Variants in EIF5A observed in about 807,000 individuals in gnomAD.
The protein encoded by EIF5A is eukaryotic translation initiation factor 5A.
A neutral mutation model predicts 16.6 loss-of-function variants in EIF5A; 1 was observed. That is an observed-to-expected ratio of 0.06 (90% confidence interval 0.02 to 0.28). EIF5A has a LOEUF of 0.28. Among genes scored for constraint, EIF5A ranks in the 10% least tolerant of loss-of-function variants. The probability of loss-of-function intolerance (pLI) is 1.00; values close to 1 mark genes in which losing one functional copy is unlikely to be tolerated. For missense variants in EIF5A, 29 were observed against 196.1 expected, an observed-to-expected ratio of 0.15 and a Z score of 5.09; for synonymous variants, 80 against 73.6, an observed-to-expected ratio of 1.09 and a Z score of -0.44.
intron 2 of EIF5A, chr17:7,310,558 T>G (rs1269912707): frequency 6.4e-6 from 7 of 1,086,520 alleles, no homozygotes; most frequent in Non-Finnish European, 7.9e-6. Flanking sequence ...TTCCTTATTT[T>G]CTAGCTACAT....
chr17:7,308,064 G>C (rs2072680682), intron 1 of EIF5A: 7 of 988,226 alleles, frequency 7.1e-6, no homozygotes, highest in East Asian at 2.3e-4. Context: ...GGCCCACCGG[G>C]GCAAGGGTAC....
At chr17:7,311,186 AG>A in intron 3 of EIF5A, 64 bp downstream of exon 3, 2 of 1,592,118 alleles carry the variant, frequency 1.3e-6, no homozygotes, top group South Asian at 2.2e-5. Context: ...GTTGGGGGAT[AG>A]GGACTGACCA....
Position 7,311,433 on chromosome 17 carries a change from C to G in EIF5A, c.354C>G (p.Asp118Glu). The change falls in exon 4 of 6, where the codon GAC (aspartate) becomes GAG (glutamate). Residue 118 changes from aspartate to glutamate, a missense_variant. By Grantham distance (45) the Asp-to-Glu change is conservative. Coordinates refer to ENST00000336458, the MANE Select transcript of EIF5A (RefSeq NM_001970.5). ...AGGACCTTCGTCTCCCTGAGGGAGA[C>G]CTTGGCAAGGAGATTGAGCAGAAGT... is the stretch of plus-strand genomic sequence containing the variant. ...VREDLRLPEG[D>E]LGKEIEQKYD... 1 of 1,614,086 alleles carries G rather than the reference C, an allele frequency of 6.2e-7. No individual in the cohort carries two copies. Among genetic ancestry groups the G allele is most frequent in the Non-Finnish European group, 8.5e-7 (1 of 1,180,020 alleles).
chr17:7,311,202 A>G, intron 3 of EIF5A, 80 bp downstream of exon 3: 2 of 1,582,452 alleles, frequency 1.3e-6, no homozygotes, highest in African/African-American at 1.3e-5. Context: ...TGACCAGGAG[A>G]GCTTGTGCTG....
intron 2 of EIF5A, 114 bp downstream of exon 2, chr17:7,309,914 ATTGT>A (rs767355832): frequency 7.5e-6 from 12 of 1,604,586 alleles, no homozygotes; most frequent in Middle Eastern, 1.6e-4. Context: ...TTACTGTCTG[ATTGT>A]TTTTGTTTAG....
upstream of EIF5A, chr17:7,307,291 GT>G: frequency 3.4e-6 from 4 of 1,188,814 alleles, no homozygotes; most frequent in Non-Finnish European, 4.5e-6. Context: ...AGACCCAGGC[GT>G]TTCCTTTAGA....
chr17:7,310,626 T>A, intron 2 of EIF5A: 1 of 985,426 alleles, frequency 1.0e-6, no homozygotes. Context: ...TTTCTTAGTT[T>A]CTTATCCTTT....
intron 2 of EIF5A, chr17:7,310,780 C>T (rs2072799453): frequency 4.1e-6 from 4 of 985,298 alleles, no homozygotes; most frequent in Non-Finnish European, 4.8e-6. Flanking sequence ...TTCTCCAAGC[C>T]TGCCATGCAG....
At position 7,309,982 on chromosome 17, in the gene EIF5A, C is replaced by T. The variant is rs773675901; in HGVS notation, c.165+182C>T. 74 of 1,534,476 alleles carry T rather than the reference C, an allele frequency of 4.8e-5. No homozygotes were observed. The Admixed American group carries it at 1.3e-3, about 28-fold the overall frequency. On this transcript the variant is annotated intron_variant, in intron 2 of 5. Coordinates refer to ENST00000336458, the MANE Select transcript of EIF5A (RefSeq NM_001970.5). Reference sequence around the variant, plus strand: ...CTACACCTGCTCCCCAGTCTTCAGCCTCTTCTGTGGTTACCCTTCTGTCCC... The same window carrying T: ...CTACACCTGCTCCCCAGTCTTCAGCTTCTTCTGTGGTTACCCTTCTGTCCC...
At chr17:7,308,812 C>T (rs1262354323) in intron 1 of EIF5A, among the ~76,000 whole-genome samples, 1 of 152,170 alleles carries the variant, frequency 6.6e-6, no homozygotes, top group Non-Finnish European at 1.5e-5. Context: ...TTCTACTACT[C>T]ACTACTACCA....
Position 7,311,550 on chromosome 17 carries a change from C to A in EIF5A, c.403-28C>A, listed in dbSNP as rs780278544. On this transcript the variant is annotated intron_variant, in intron 4 of 5. Coordinates refer to ENST00000336458, the MANE Select transcript of EIF5A (RefSeq NM_001970.5). ...TACGTTTCTTCCTGAGCTCAGACATCTCTTGGCTATCCCTCTTGCTTCTCC... is the reference window on the plus strand; with the variant it reads ...TACGTTTCTTCCTGAGCTCAGACATATCTTGGCTATCCCTCTTGCTTCTCC... The A allele has an allele frequency of 4.2e-5, 67 of 1,614,060 alleles. No individual in the cohort carries two copies. The Admixed American group carries it at 4.5e-4, about 11-fold the overall frequency.
At position 7,307,656 on chromosome 17, in the gene EIF5A, G is replaced by A; in HGVS notation, c.-118G>A. On this transcript the variant is annotated 5_prime_UTR_variant, in exon 1 of 6. Transcript: ENST00000336458. ...CTAAGACCCGTGTGCAGCAGCGGCG[G>A]CGGCGGTAGAGGCGGCGGCGGCGGC... 5 of 1,051,048 alleles carry A rather than the reference G, an allele frequency of 4.8e-6. No individual in the cohort carries two copies. Among genetic ancestry groups the A allele is most frequent in the Non-Finnish European group, 5.7e-6 (5 of 873,144 alleles). 65.1% of individuals were successfully genotyped at this position (1,051,048 alleles called of 1,614,324 possible). A position where few individuals can be genotyped will look rare whatever the true frequency, so the allele number is the denominator to read the frequency against.
At chr17:7,308,799 A>G (rs2072719492) in intron 1 of EIF5A, among the ~76,000 whole-genome samples, 1 of 151,818 alleles carries the variant, frequency 6.6e-6, no homozygotes, top group South Asian at 2.1e-4. Flanking sequence ...GCCTAGTATG[A>G]TTTTCTACTA....
chr17:7,309,496 T>A, intron 1 of EIF5A, 119 bp from the exon 2 acceptor site: 2 of 1,372,862 alleles, frequency 1.5e-6, no homozygotes, highest in Non-Finnish European at 2.0e-6. Flanking sequence ...AACTTTGACT[T>A]TATTTTAGGT....
chr17:7,311,434 C>T lies in EIF5A; in HGVS notation c.355C>T (p.Leu119Phe). The change falls in exon 4 of 6, where the codon CTT becomes TTT. Residue 119 changes from leucine to phenylalanine, a missense_variant. Coordinates refer to ENST00000336458, the MANE Select transcript of EIF5A (RefSeq NM_001970.5). ...REDLRLPEGD[L>F]GKEIEQKYDC... ...GGACCTTCGTCTCCCTGAGGGAGAC[C>T]TTGGCAAGGAGATTGAGCAGAAGTA... is the stretch of plus-strand genomic sequence containing the variant. 1 of 1,614,064 alleles carries T rather than the reference C, an allele frequency of 6.2e-7. No individual in the cohort carries two copies. Among genetic ancestry groups the T allele is most frequent in the Non-Finnish European group, 8.5e-7 (1 of 1,180,004 alleles).
intron 1 of EIF5A, chr17:7,308,575 T>G (rs760289304): frequency 2.2e-6 from 3 of 1,350,140 alleles, no homozygotes; most frequent in Non-Finnish European, 2.9e-6. Flanking sequence ...GTCAGCCAGG[T>G]GTAAGTGGCA....
At position 7,308,493 on chromosome 17, in the gene EIF5A, G is replaced by A. The variant is rs770157913; in HGVS notation, c.-22+741G>A. ...AATCACCCCGGAGGGCCTGCTGCAG[G>A]CATATGTTAGCGCTTCCCAACCTCA... On this transcript the variant is annotated intron_variant, in intron 1 of 5. Coordinates refer to ENST00000336458, the MANE Select transcript of EIF5A (RefSeq NM_001970.5). The A allele has an allele frequency of 8.1e-6, 11 of 1,350,814 alleles. No individual in the cohort carries two copies. In the South Asian group the frequency reaches 1.1e-4, roughly 14 times the overall value. 83.7% of individuals were successfully genotyped at this position (1,350,814 alleles called of 1,614,324 possible).
chr17:7,311,886 G>A lies in EIF5A; in HGVS notation c.*76G>A, dbSNP rs2072840353. ...AGGCCCCCTCCCCGAGCCTGGCCTGGCTCTGGCCCGGTCCTAAGCTGGACT... is the reference window on the plus strand; with the variant it reads ...AGGCCCCCTCCCCGAGCCTGGCCTGACTCTGGCCCGGTCCTAAGCTGGACT... On this transcript the variant is annotated 3_prime_UTR_variant, in exon 6 of 6. Coordinates refer to ENST00000336458, the MANE Select transcript of EIF5A (RefSeq NM_001970.5). 3.2e-6 allele frequency: 2 copies of A among 628,408 alleles called. No homozygotes were observed. Among genetic ancestry groups the A allele is most frequent in the Non-Finnish European group, 5.7e-6 (2 of 352,598 alleles). 38.9% of individuals were successfully genotyped at this position (628,408 alleles called of 1,614,324 possible). A position where few individuals can be genotyped will look rare whatever the true frequency, so the allele number is the denominator to read the frequency against.
chr17:7,309,803 TA>T lies in EIF5A; in HGVS notation c.165+4del. 6.2e-7 allele frequency: 1 copy of T among 1,614,252 alleles called. No homozygotes were observed. On this transcript the variant is annotated splice_donor_region_variant and intron_variant, in intron 2 of 5. Coordinates refer to ENST00000336458, the MANE Select transcript of EIF5A (RefSeq NM_001970.5). ...CTGGCAAGCACGGCCACGCCAAGGT[TA>T]GAATTTCACCTCCGCATCTTGCCTT...
Sources: allele counts gnomAD v4.1 joint callset (sites outside exome capture counted in the v4.1 genomes callset), GRCh38; gene constraint gnomAD v4.1.1; transcripts MANE v1.5; gene names NCBI Gene and HGNC (gene_info 2026-07-23, HGNC 2026-07-21).